TBCA: variants seen among roughly 807,000 people sequenced by gnomAD.
The protein encoded by TBCA is tubulin-specific chaperone A.
A neutral mutation model predicts 15.8 loss-of-function variants in TBCA; 6 were observed. The ratio of observed to expected loss-of-function variants is 0.38; its 90% CI spans 0.21 to 0.75. The LOEUF is 0.75. Ranked by LOEUF, TBCA falls within the 30% of genes least tolerant of loss-of-function variation. The pLI is 0.46. For missense variants in TBCA, 90 were observed against 131.2 expected (o/e 0.69, Z 1.53); for synonymous variants, 32 against 42.3 (o/e 0.76, Z 0.94).
intron 1 of TBCA, among the ~76,000 whole-genome samples, chr5:77,710,905 C>G: frequency 6.6e-6 from 1 of 152,140 alleles, no homozygotes. Flanking sequence ...ACTGGATTAG[C>G]AATGAGACTT....
intron 2 of TBCA, among the ~76,000 whole-genome samples, chr5:77,707,342 G>T (rs1257841890): frequency 6.6e-6 from 1 of 152,086 alleles, no homozygotes; most frequent in Non-Finnish European, 1.5e-5. Flanking sequence ...TGCTATCATG[G>T]GAATAAAGAA....
chr5:77,723,851 C>T (rs996830060), intron 1 of TBCA, among the ~76,000 whole-genome samples: 3 of 151,986 alleles, frequency 2.0e-5, no homozygotes, highest in Non-Finnish European at 2.9e-5. Flanking sequence ...GAAAAAGTAA[C>T]TTCTTATGAT....
intron 1 of TBCA, among the ~76,000 whole-genome samples, chr5:77,771,226 T>C (rs573855175): frequency 2.8e-4 from 42 of 152,050 alleles, no homozygotes; most frequent in Non-Finnish European, 5.0e-4. Flanking sequence ...AAAAAAAGTA[T>C]ACATGTAACA....
chr5:77,774,860 G>T (rs142217609), intron 1 of TBCA, among the ~76,000 whole-genome samples: 1 of 151,780 alleles, frequency 6.6e-6, no homozygotes, highest in African/African-American at 2.4e-5. Flanking sequence ...ATGAGTTTGT[G>T]AAAGGAAAAA....
chr5:77,708,923 T>C (rs1023617084), intron 1 of TBCA, among the ~76,000 whole-genome samples: 2 of 151,856 alleles, frequency 1.3e-5, no homozygotes, highest in Admixed American at 1.3e-4. Context: ...TATATTATAA[T>C]TACAATGTGA....
chr5:77,711,797 G>A (rs752610922), intron 1 of TBCA, among the ~76,000 whole-genome samples: 1 of 152,132 alleles, frequency 6.6e-6, no homozygotes, highest in Non-Finnish European at 1.5e-5. Context: ...AATGGCTCCA[G>A]CAACATTAAA....
chr5:77,699,840 C>T (rs1220399046), intron 2 of TBCA, among the ~76,000 whole-genome samples: 9 of 151,924 alleles, frequency 5.9e-5, no homozygotes. Context: ...GAGTTCGAGA[C>T]CAGCCTGACC....
chr5:77,727,702 T>G (rs532261097), intron 1 of TBCA, among the ~76,000 whole-genome samples: 4 of 152,122 alleles, frequency 2.6e-5, no homozygotes, highest in African/African-American at 9.6e-5. Flanking sequence ...AAAAAGCAAA[T>G]AGAGTCAATA....
At position 77,765,108 on chromosome 5, in the gene TBCA, C is replaced by T. The variant is rs150631992; in HGVS notation, c.53+11097G>A. On this transcript the variant is annotated intron_variant, in intron 1 of 3. Transcript: ENST00000380377. Reference sequence around the variant, plus strand: ...CAAAACAAAACAAAAAATAGAAAAACGGCACTATTTTACATTTTTGCAAAT... The same window carrying T: ...CAAAACAAAACAAAAAATAGAAAAATGGCACTATTTTACATTTTTGCAAAT... Among the ~76,000 whole-genome samples the T allele has an allele frequency of 1.2e-3, 187 of 151,988 alleles. 1 individual carries two copies. Among genetic ancestry groups the T allele is most frequent in the East Asian group, 2.5e-3 (13 of 5,176 alleles).
At chr5:77,736,866 G>GT (rs1459837272) in intron 1 of TBCA, among the ~76,000 whole-genome samples, 1 of 152,146 alleles carries the variant, frequency 6.6e-6, no homozygotes, top group Non-Finnish European at 1.5e-5. Context: ...TGCACAAATA[G>GT]TAACTCAACA....
intron 1 of TBCA, among the ~76,000 whole-genome samples, chr5:77,760,291 A>C (rs1248601062): frequency 6.6e-6 from 1 of 152,226 alleles, no homozygotes; most frequent in East Asian, 1.9e-4. Flanking sequence ...TTATGTAAGG[A>C]AAAAAATCAC....
chr5:77,767,157 T>C (rs977636039), intron 1 of TBCA, among the ~76,000 whole-genome samples: 4 of 152,230 alleles, frequency 2.6e-5, no homozygotes, highest in African/African-American at 9.6e-5. Context: ...AGAGTACAAA[T>C]GTATTTCAGG....
At chr5:77,693,090 CATA>C in intron 3 of TBCA, 173 bp downstream of exon 3, 1 of 1,464,846 alleles carries the variant, frequency 6.8e-7, no homozygotes, top group East Asian at 2.5e-5. Flanking sequence ...TTACTGGAGG[CATA>C]ATTCAAAACA....
At position 77,776,145 on chromosome 5, in the gene TBCA, C is replaced by A. The variant is rs1204145504; in HGVS notation, c.53+60G>T. The stretch of plus-strand genomic sequence containing the variant: ...TCCTCGGGCCTGCGCTCCGCTCAGC[C>A]TCGCGGGCCGCCATGAGGTGACGAA... On this transcript the variant is annotated intron_variant, in intron 1 of 3. Transcript: ENST00000380377. 4.5e-6 allele frequency: 7 copies of A among 1,545,760 alleles called. No individual in the cohort carries two copies. The East Asian group carries it at 1.7e-4, about 38-fold the overall frequency.
Position 77,694,056 on chromosome 5 carries a change from A to G in TBCA, c.160-704T>C, listed in dbSNP as rs141703567. On this transcript the variant is annotated intron_variant, in intron 2 of 3. Coordinates refer to ENST00000380377, the MANE Select transcript of TBCA (RefSeq NM_004607.3). Reference sequence around the variant, plus strand: ...AAATATCTCCTGCATCTTTTGAGTAATAAAGAAAAACAGTGTTCAGATAAT... The same window carrying G: ...AAATATCTCCTGCATCTTTTGAGTAGTAAAGAAAAACAGTGTTCAGATAAT... Among the ~76,000 whole-genome samples the G allele has an allele frequency of 4.9e-3, 743 of 152,324 alleles. 9 individuals are homozygous for G. The highest frequency in any genetic ancestry group is 0.017 in the African/African-American group (699 of 41,576).
chr5:77,764,352 T>C (rs1480526689), intron 1 of TBCA, among the ~76,000 whole-genome samples: 2 of 152,166 alleles, frequency 1.3e-5, no homozygotes, highest in Admixed American at 6.5e-5. Context: ...AATACAGGCA[T>C]ACAGCAAACA....
chr5:77,700,790 T>C (rs1426553758), intron 2 of TBCA, among the ~76,000 whole-genome samples: 2 of 152,214 alleles, frequency 1.3e-5, no homozygotes, highest in Non-Finnish European at 1.5e-5. Context: ...CCAACTATCT[T>C]TGACAAAGCA....
intron 1 of TBCA, among the ~76,000 whole-genome samples, chr5:77,741,591 A>T (rs537485147): frequency 9.0e-4 from 137 of 152,368 alleles, no homozygotes; most frequent in Non-Finnish European, 1.6e-3. Context: ...AGTAATGATT[A>T]AAAAGAGACC....
intron 1 of TBCA, among the ~76,000 whole-genome samples, chr5:77,755,191 A>C (rs529732224): frequency 7.9e-4 from 120 of 152,360 alleles, no homozygotes; most frequent in African/African-American, 2.8e-3. Context: ...GGCAGAAAAG[A>C]AAGCAGAGAG....
Sources: gnomAD v4.1 joint callset for allele counts (sites outside exome capture counted in the v4.1 genomes callset) on GRCh38, gnomAD v4.1.1 for gene constraint, MANE v1.5 for transcripts, NCBI Gene and HGNC (gene_info 2026-07-23, HGNC 2026-07-21) for gene names.